IL19: variants seen among roughly 807,000 people sequenced by gnomAD.
IL19 encodes the protein interleukin-19.
In IL19, 15 loss-of-function variants were observed where a neutral mutation model predicts 19.5. That is an observed-to-expected ratio of 0.77 (90% CI 0.52 to 1.19). The LOEUF is 1.19. Ranked by LOEUF, IL19 falls within the 50% of genes most tolerant of loss-of-function variation. The probability of loss-of-function intolerance (pLI) is 0.00; values close to 1 mark genes in which losing one functional copy is unlikely to be tolerated. For missense variants in IL19, 199 were observed against 213.1 expected (o/e 0.93, Z 0.41); for synonymous variants, 78 against 78.3 (o/e 1.00, Z 0.02).
At chr1:206,822,083 G>T (rs1676303771) in intron 2 of IL19, among the ~76,000 whole-genome samples, 1 of 152,162 alleles carries the variant, frequency 6.6e-6, no homozygotes, top group African/African-American at 2.4e-5. Context: ...AATATTTGGT[G>T]CTGGGAAAAC....
chr1:206,831,117 T>C (rs1676596593), intron 2 of IL19, among the ~76,000 whole-genome samples: 2 of 152,192 alleles, frequency 1.3e-5, no homozygotes, highest in African/African-American at 4.8e-5. Flanking sequence ...GACTCAGTAC[T>C]TAGGAATGGC....
chr1:206,820,053 T>G (rs1348956730), intron 2 of IL19, among the ~76,000 whole-genome samples: 1 of 152,208 alleles, frequency 6.6e-6, no homozygotes, highest in Non-Finnish European at 1.5e-5. Flanking sequence ...AGTCTTATAT[T>G]TATCCCTCCT....
intron 1 of IL19, among the ~76,000 whole-genome samples, chr1:206,783,518 T>C (rs571731893): frequency 6.6e-6 from 1 of 152,288 alleles, no homozygotes; most frequent in East Asian, 1.9e-4. Flanking sequence ...TGGATATAAA[T>C]TGGTATCAGG....
chr1:206,786,641 C>T (rs1257072204), intron 1 of IL19, among the ~76,000 whole-genome samples: 1 of 152,070 alleles, frequency 6.6e-6, no homozygotes. Context: ...GAACTTGCTT[C>T]TCTATTGGCT....
intron 1 of IL19, among the ~76,000 whole-genome samples, chr1:206,782,100 T>C (rs1675163101): frequency 6.7e-6 from 1 of 149,972 alleles, no homozygotes; most frequent in Admixed American, 6.7e-5. Context: ...GTAAAACTGA[T>C]AAATTTTTAA....
chr1:206,802,108 C>T (rs549263971), intron 2 of IL19, among the ~76,000 whole-genome samples: 11 of 152,212 alleles, frequency 7.2e-5, no homozygotes, highest in Non-Finnish European at 1.5e-5. Flanking sequence ...TCAGTGAATG[C>T]ACCAGGCCTT....
chr1:206,840,650 A>G (rs1676981578), intron 5 of IL19: 2 of 220,450 alleles, frequency 9.1e-6, no homozygotes, highest in Admixed American at 5.1e-5. Flanking sequence ...TGTTTAATTA[A>G]CAATTCGTTA....
At chr1:206,783,854 T>C (rs1675203748) in intron 1 of IL19, among the ~76,000 whole-genome samples, 1 of 152,178 alleles carries the variant, frequency 6.6e-6, no homozygotes, top group Admixed American at 6.5e-5. Flanking sequence ...TATATACAAT[T>C]GGAGATGATA....
At chr1:206,779,035 C>A (rs12028710) in intron 1 of IL19, among the ~76,000 whole-genome samples, 1 of 152,088 alleles carries the variant, frequency 6.6e-6, no homozygotes. Flanking sequence ...GGTCTAAAAC[C>A]GCTCGTGGCC....
At chr1:206,782,544 C>T (rs565986783) in intron 1 of IL19, among the ~76,000 whole-genome samples, 4 of 152,218 alleles carry the variant, frequency 2.6e-5, no homozygotes, top group Admixed American at 2.6e-4. Flanking sequence ...GAGAAGCCTA[C>T]TGCTGTATTC....
intron 1 of IL19, among the ~76,000 whole-genome samples, chr1:206,795,927 A>ATATGTGTGTGTGTGTGTGTG (rs1553439245): frequency 4.5e-5 from 6 of 133,628 alleles, no homozygotes; most frequent in African/African-American, 1.4e-4. Context: ...AAATATATAT[A>ATATGTGTGTGTGTGTGTGTG]TGTGTGTGTG....
chr1:206,822,136 G>A (rs1328136864), intron 2 of IL19, among the ~76,000 whole-genome samples: 1 of 152,198 alleles, frequency 6.6e-6, no homozygotes, highest in Non-Finnish European at 1.5e-5. Context: ...GGGCAAGGGG[G>A]AAAGGGGAAT....
At chr1:206,807,837 T>C (rs1157804782) in intron 2 of IL19, among the ~76,000 whole-genome samples, 1 of 152,194 alleles carries the variant, frequency 6.6e-6, no homozygotes, top group Admixed American at 6.5e-5. Context: ...AACATTGAAA[T>C]GGTGTAACTA....
intron 1 of IL19, among the ~76,000 whole-genome samples, chr1:206,779,350 A>G (rs1167341808): frequency 1.3e-5 from 2 of 152,138 alleles, no homozygotes; most frequent in African/African-American, 2.4e-5. Context: ...TTGATCACCA[A>G]TAAATAGTGT....
chr1:206,775,220 T>A (rs920661779), intron 1 of IL19, among the ~76,000 whole-genome samples: 1 of 151,986 alleles, frequency 6.6e-6, no homozygotes, highest in Non-Finnish European at 1.5e-5. Flanking sequence ...TTTTTTATTT[T>A]TTTTTGTATT....
chr1:206,774,799 G>C (rs1007601946), intron 1 of IL19, among the ~76,000 whole-genome samples: 3 of 152,156 alleles, frequency 2.0e-5, no homozygotes, highest in African/African-American at 7.2e-5. Context: ...GCATAGAAGA[G>C]TGCCCTGTAA....
intron 2 of IL19, among the ~76,000 whole-genome samples, chr1:206,824,853 C>G (rs1166246596): frequency 6.6e-6 from 1 of 152,210 alleles, no homozygotes; most frequent in East Asian, 1.9e-4. Flanking sequence ...ACCTCTGCCT[C>G]CTGGGTTCAA....
At chr1:206,809,509 G>T (rs958637609) in intron 2 of IL19, among the ~76,000 whole-genome samples, 1 of 152,180 alleles carries the variant, frequency 6.6e-6, no homozygotes, top group South Asian at 2.1e-4. Flanking sequence ...CACAGTTCTG[G>T]TAGGGACTTC....
intron 2 of IL19, among the ~76,000 whole-genome samples, chr1:206,818,259 A>G (rs1676212714): frequency 6.6e-6 from 1 of 152,224 alleles, no homozygotes; most frequent in Non-Finnish European, 1.5e-5. Context: ...AAGACAGACC[A>G]TATTCTGGGC....
Sources: gnomAD v4.1 joint callset for allele counts (sites outside exome capture counted in the v4.1 genomes callset) on GRCh38, gnomAD v4.1.1 for gene constraint, MANE v1.5 for transcripts, NCBI Gene and HGNC (gene_info 2026-07-23, HGNC 2026-07-21) for gene names.